PPP2R5C: variants seen among roughly 807,000 people sequenced by gnomAD.
PPP2R5C encodes the protein serine/threonine-protein phosphatase 2A 56 kDa regulatory subunit gamma isoform.
A neutral mutation model predicts 68.9 loss-of-function variants in PPP2R5C; 7 were observed. The observed-to-expected ratio is 0.10, with a 90% CI of 0.06 to 0.19. PPP2R5C has a LOEUF of 0.19. PPP2R5C is among the 10% of genes least tolerant of loss of function. The pLI is 1.00. For missense variants in PPP2R5C, 348 were observed against 641.3 expected, an observed-to-expected ratio of 0.54 and a Z score of 4.94; for synonymous variants, 210 against 222.2, an observed-to-expected ratio of 0.95 and a Z score of 0.49.
At chr14:101,870,813 C>T (rs2043360316) in intron 2 of PPP2R5C, among the ~76,000 whole-genome samples, 1 of 152,182 alleles carries the variant, frequency 6.6e-6, no homozygotes, top group South Asian at 2.1e-4. Context: ...TTGTAGTTGT[C>T]AGCAAACAGA....
Position 101,815,826 on chromosome 14 carries a change from C to T in PPP2R5C, c.94+5790C>T, listed in dbSNP as rs529056202. Among the ~76,000 whole-genome samples the T allele has an allele frequency of 7.0e-4, 107 of 152,262 alleles. 1 individual carries two copies. Among genetic ancestry groups the T allele is most frequent in the South Asian group, 2.3e-3 (11 of 4,822 alleles). Reference sequence around the variant, plus strand: ...CTGGGATTACAGGTGCATGCCACCACGCCCGGCTATTTTTTGTATTTTTAG... The same window carrying T: ...CTGGGATTACAGGTGCATGCCACCATGCCCGGCTATTTTTTGTATTTTTAG... On this transcript the variant is annotated intron_variant, in intron 1 of 13. Coordinates refer to ENST00000334743, the Ensembl canonical transcript of PPP2R5C.
At chr14:101,918,096 C>T (rs192584571) in intron 13 of PPP2R5C, 149 bp downstream of exon 15, 39 of 1,109,162 alleles carry the variant, frequency 3.5e-5, no homozygotes, top group Admixed American at 1.1e-4. Flanking sequence ...AACATTGTAT[C>T]GATAGATCTT....
rs2043879567 is a variant in PPP2R5C, at chr14:101,877,767, C to T, written c.295-4394C>T. On this transcript the variant is annotated intron_variant, in intron 2 of 13. Coordinates refer to ENST00000334743, the Ensembl canonical transcript of PPP2R5C. The surrounding 1 kb of genome is among the most constrained non-coding windows in gnomAD (Gnocchi z 4.2). ...TTACTTAACCTTTTCTAGAGATATG[C>T]ACTAAATTAATGCAATGTAATGTGG... is the stretch of plus-strand genomic sequence containing the variant. Among the ~76,000 whole-genome samples the T allele has an allele frequency of 6.6e-6, 1 of 152,152 alleles. No individual in the cohort carries two copies. Among genetic ancestry groups the T allele is most frequent in the Admixed American group, 6.5e-5 (1 of 15,280 alleles).
At chr14:101,840,482 CAA>C (rs10611025) in intron 1 of PPP2R5C, among the ~76,000 whole-genome samples, 1,690 of 51,614 alleles carry the variant, frequency 0.033, 21 homozygotes, top group African/African-American at 0.15. Context: ...CCCCCACCAC[CAA>C]AAAAAAAAAA....
At chr14:101,784,601 C>T (rs1373206394) in intron 2 of PPP2R5C, among the ~76,000 whole-genome samples, 1 of 152,176 alleles carries the variant, frequency 6.6e-6, no homozygotes, top group Non-Finnish European at 1.5e-5. Flanking sequence ...AAACTGCCCC[C>T]ACAATCCAGT....
intron 8 of PPP2R5C, 79 bp from the exon 11 acceptor site, chr14:101,901,640 G>C (rs924716383): frequency 2.7e-5 from 40 of 1,481,958 alleles, no homozygotes; most frequent in Non-Finnish European, 3.3e-5. Context: ...GGCCACCGCA[G>C]TGAAAACACA....
In PPP2R5C at chr14:101,915,321, C is replaced by A. The variant is rs370548998; in HGVS notation, c.1327-2510C>A. ...GGTCTCGAACTCCTGACCTTGTGAT[C>A]TACCTGCCTCGGCCTCCCAGAGTGC... is the stretch of plus-strand genomic sequence containing the variant. On this transcript the variant is annotated intron_variant, in intron 12 of 13. Coordinates refer to ENST00000334743, the Ensembl canonical transcript of PPP2R5C. This position sits in a 1 kb window ranked among gnomAD's most constrained non-coding sequence, Gnocchi z 4.2. Among the ~76,000 whole-genome samples, 155 of 152,262 alleles carry A rather than the reference C, an allele frequency of 1.0e-3. No homozygotes were observed. The highest frequency in any genetic ancestry group is 3.4e-3 in the African/African-American group (143 of 41,540).
At chr14:101,871,836 C>T (rs971562170) in intron 2 of PPP2R5C, among the ~76,000 whole-genome samples, 2 of 152,138 alleles carry the variant, frequency 1.3e-5, no homozygotes, top group African/African-American at 4.8e-5. Context: ...TCACAATCTA[C>T]CTTCAAGCGA....
chr14:101,841,631 CTG>C (rs2041478856), intron 1 of PPP2R5C, among the ~76,000 whole-genome samples: 1 of 152,234 alleles, frequency 6.6e-6, no homozygotes, highest in Non-Finnish European at 1.5e-5. Context: ...CCCACGGTCA[CTG>C]TGGTGTTGGT....
chr14:101,819,572 G>A (rs2039923121), intron 1 of PPP2R5C: 1 of 148,970 alleles, frequency 6.7e-6, no homozygotes, highest in Non-Finnish European at 1.5e-5. Context: ...TTTTTGTTTG[G>A]GTTTGTTTTT....
At chr14:101,812,987 C>T (rs748875038) in intron 1 of PPP2R5C, among the ~76,000 whole-genome samples, 3 of 152,210 alleles carry the variant, frequency 2.0e-5, no homozygotes, top group African/African-American at 7.2e-5. Flanking sequence ...GTAAGCCCTT[C>T]TGTCTGTAGA....
intron 2 of PPP2R5C, among the ~76,000 whole-genome samples, chr14:101,873,269 C>G (rs1047413543): frequency 2.0e-5 from 3 of 152,100 alleles, no homozygotes; most frequent in African/African-American, 7.2e-5. Context: ...ATTATAAATC[C>G]TTCTCCTGCT....
intron 1 of PPP2R5C, among the ~76,000 whole-genome samples, chr14:101,850,689 A>G (rs1175350771): frequency 6.6e-6 from 1 of 152,226 alleles, no homozygotes; most frequent in Non-Finnish European, 1.5e-5. Flanking sequence ...AGGATGAGGC[A>G]GTGGCCAAGA....
upstream of PPP2R5C, among the ~76,000 whole-genome samples, chr14:101,808,628 G>A (rs902194604): frequency 1.3e-5 from 2 of 152,194 alleles, no homozygotes; most frequent in African/African-American, 4.8e-5. Flanking sequence ...AGCCCTAGCT[G>A]TATTTCAGGT....
At chr14:101,814,797 A>C (rs966908008) in intron 1 of PPP2R5C, among the ~76,000 whole-genome samples, 3 of 152,204 alleles carry the variant, frequency 2.0e-5, no homozygotes, top group Non-Finnish European at 4.4e-5. Context: ...ATGTCAAATA[A>C]AATTGCGAGG....
At chr14:101,925,476 G>A in exon 14 of PPP2R5C, 1 of 833,386 alleles carries the variant, frequency 1.2e-6, no homozygotes, top group Non-Finnish European at 1.7e-6. Context: ...AGAGCCGCGG[G>A]TTGACGACGG....
intron 13 of PPP2R5C, chr14:101,921,208 C>T: frequency 8.0e-6 from 2 of 249,452 alleles, no homozygotes; most frequent in Admixed American, 5.5e-5. Flanking sequence ...GCAGTGACTA[C>T]CGGCACCACC....
rs2141228221 is a variant in PPP2R5C, at chr14:101,925,176, A to T, written c.1479A>T (p.Ala493=). 6.2e-7 allele frequency: 1 copy of T among 1,614,110 alleles called. No homozygotes were observed. Among genetic ancestry groups the T allele is most frequent in the South Asian group, 1.1e-5 (1 of 91,074 alleles). The change falls in exon 14 of 14, where the codon GCA becomes GCT. Residue 493 remains alanine, a synonymous_variant. Coordinates refer to ENST00000334743, the Ensembl canonical transcript of PPP2R5C. ...ATCCGAAGAAGGACCGTCCTCTTGCACGCCGCAAGTCCGAGCTGCCTCAGG... is the reference window on the plus strand; with the variant it reads ...ATCCGAAGAAGGACCGTCCTCTTGCTCGCCGCAAGTCCGAGCTGCCTCAGG...
rs996177348 is a variant in PPP2R5C at position 101,821,687 on chromosome 14, A to G, written c.94+11651A>G. Among the ~76,000 whole-genome samples the G allele has an allele frequency of 3.9e-5, 6 of 152,220 alleles. No individual in the cohort carries two copies. The South Asian group carries it at 1.0e-3, about 26-fold the overall frequency. ...TTATCCTGTATTGTACTGTGTATAC[A>G]TACGTTACGTAAATGCTTAATGTGG... On this transcript the variant is annotated intron_variant, in intron 1 of 13. Coordinates refer to ENST00000334743, the Ensembl canonical transcript of PPP2R5C.
Sources: allele counts gnomAD v4.1 joint callset (sites outside exome capture counted in the v4.1 genomes callset), GRCh38; gene constraint gnomAD v4.1.1; non-coding constraint Gnocchi (gnomAD v3.1); transcripts MANE v1.5; gene names NCBI Gene and HGNC (gene_info 2026-07-23, HGNC 2026-07-21).